Variants in AK5 observed in about 807,000 individuals in gnomAD.
AK5 encodes adenylate kinase 5, also known as adenylate kinase isoenzyme 5.
In AK5, 27 loss-of-function variants were observed where a neutral mutation model predicts 69.5. The ratio of observed to expected loss-of-function variants is 0.39; its 90% CI spans 0.29 to 0.54. The LOEUF is 0.54. Among genes scored for constraint, AK5 ranks in the 20% least tolerant of loss-of-function variants. The pLI is 0.71. For synonymous variants in AK5, 260 were observed against 244.4 expected (o/e 1.06, Z -0.60); for missense variants, 531 against 700.4 (o/e 0.76, Z 2.73).
At chr1:77,304,484 C>A (rs1024554265) in intron 5 of AK5, among the ~76,000 whole-genome samples, 5 of 151,900 alleles carry the variant, frequency 3.3e-5, no homozygotes, top group African/African-American at 1.2e-4. Flanking sequence ...CGGCTCACCG[C>A]AGCGTCTGTC....
chr1:77,470,191 C>G (rs1454390634), intron 8 of AK5, among the ~76,000 whole-genome samples: 3 of 152,158 alleles, frequency 2.0e-5, no homozygotes, highest in Non-Finnish European at 2.9e-5. Context: ...TGTTGCACTA[C>G]CTGTCAGGAG....
At chr1:77,510,345 G>A (rs1657269693) in intron 10 of AK5, among the ~76,000 whole-genome samples, 1 of 152,144 alleles carries the variant, frequency 6.6e-6, no homozygotes, top group Non-Finnish European at 1.5e-5. Flanking sequence ...GTGTTACAGA[G>A]TCAAAGGTAT....
intron 8 of AK5, among the ~76,000 whole-genome samples, chr1:77,440,305 T>A (rs1487963415): frequency 2.0e-5 from 3 of 152,216 alleles, no homozygotes; most frequent in Admixed American, 6.5e-5. Flanking sequence ...TCTCATTTTC[T>A]TCTGGCCTAT....
intron 13 of AK5, among the ~76,000 whole-genome samples, chr1:77,536,557 G>C (rs1278898537): frequency 2.0e-5 from 3 of 152,140 alleles, no homozygotes; most frequent in Non-Finnish European, 4.4e-5. Context: ...CCATAAAAAG[G>C]TGGTCATATA....
chr1:77,498,358 C>T lies in AK5; in HGVS notation c.1147+12006C>T, dbSNP rs1050379949. 2.2e-4 allele frequency among the ~76,000 whole-genome samples: 33 copies of T among 152,200 alleles called. 1 individual carries two copies. Among genetic ancestry groups the T allele is most frequent in the Middle Eastern group, 3.4e-3 (1 of 294 alleles). On this transcript the variant is annotated intron_variant, in intron 10 of 13. Transcript: ENST00000354567. ...CAGACAACACTTTCAAGAAAGTTGA[C>T]TCTGAAAGAGTCTGAAAGAGACTGT...
At chr1:77,513,884 G>A (rs900086531) in intron 10 of AK5, among the ~76,000 whole-genome samples, 2 of 152,204 alleles carry the variant, frequency 1.3e-5, no homozygotes, top group African/African-American at 2.4e-5. Context: ...CGTGACCCAC[G>A]TGGGCATGCC....
chr1:77,314,061 G>T, intron 5 of AK5: 1 of 363,010 alleles, frequency 2.8e-6, no homozygotes, highest in African/African-American at 2.1e-5. Context: ...CATATATTGA[G>T]AATTTGCTAT....
At chr1:77,305,114 C>T (rs867478127) in intron 5 of AK5, among the ~76,000 whole-genome samples, 31 of 151,984 alleles carry the variant, frequency 2.0e-4, no homozygotes, top group African/African-American at 7.3e-4. Flanking sequence ...TTCACATGCC[C>T]GTTTGCCATT....
At chr1:77,438,294 CAAAAAAAAAAAAAAAAAA>C (rs56019139) in intron 8 of AK5, among the ~76,000 whole-genome samples, 2 of 52,780 alleles carry the variant, frequency 3.8e-5, no homozygotes, top group Non-Finnish European at 7.9e-5. Context: ...ATATTTGGTA[CAAAAAAAAAAAAAAAAAA>C]AAAAAAAAAA....
At chr1:77,416,449 T>C (rs1650433828) in intron 7 of AK5, among the ~76,000 whole-genome samples, 1 of 152,242 alleles carries the variant, frequency 6.6e-6, no homozygotes, top group Admixed American at 6.5e-5. Context: ...AATGGTTTGA[T>C]GGTTTAGTAT....
rs371572658 is a variant in AK5 at position 77,554,963 on chromosome 1, G to A, written c.1621-3639G>A. 2.6e-5 allele frequency among the ~76,000 whole-genome samples: 4 copies of A among 151,846 alleles called. 1 individual carries two copies. Among genetic ancestry groups the A allele is most frequent in the African/African-American group, 9.7e-5 (4 of 41,444 alleles). ...CAAATATTTATCAAATATTTGCTGT[G>A]TACCCATATTTTATGATGTCAGCCC... On this transcript the variant is annotated intron_variant, in intron 13 of 13. Coordinates refer to ENST00000354567, the MANE Select transcript of AK5 (RefSeq NM_174858.3).
intron 10 of AK5, among the ~76,000 whole-genome samples, chr1:77,497,813 C>T (rs947995022): frequency 2.0e-5 from 3 of 152,166 alleles, no homozygotes; most frequent in African/African-American, 7.2e-5. Flanking sequence ...AACTCTTGGG[C>T]TCAAGCCATC....
intron 6 of AK5, among the ~76,000 whole-genome samples, chr1:77,375,783 T>C (rs1398899584): frequency 6.6e-6 from 1 of 152,110 alleles, no homozygotes; most frequent in Non-Finnish European, 1.5e-5. Context: ...TGGTTGTGTA[T>C]GGGAGATAGT....
chr1:77,495,522 C>T (rs988253015), intron 10 of AK5, among the ~76,000 whole-genome samples: 9 of 152,158 alleles, frequency 5.9e-5, no homozygotes, highest in Non-Finnish European at 1.2e-4. Context: ...AACTTCAAAA[C>T]AGGAAACAAT....
chr1:77,536,811 AAC>A (rs1379749799), intron 13 of AK5, among the ~76,000 whole-genome samples: 1 of 152,230 alleles, frequency 6.6e-6, no homozygotes, highest in Non-Finnish European at 1.5e-5. Flanking sequence ...TGTGATAACC[AAC>A]ATTTTTAGAA....
At chr1:77,556,651 T>C (rs796673437) in intron 13 of AK5, among the ~76,000 whole-genome samples, 8 of 152,338 alleles carry the variant, frequency 5.3e-5, no homozygotes, top group African/African-American at 1.9e-4. Context: ...GTTGATATTG[T>C]TGAGAATTCA....
At chr1:77,362,396 C>A (rs1646880460) in intron 6 of AK5, among the ~76,000 whole-genome samples, 2 of 152,066 alleles carry the variant, frequency 1.3e-5, no homozygotes, top group Admixed American at 1.3e-4. Flanking sequence ...CATTATCTGT[C>A]CAAGCATATA....
chr1:77,526,824 G>C (rs1658320108), intron 12 of AK5, among the ~76,000 whole-genome samples: 1 of 150,418 alleles, frequency 6.6e-6, no homozygotes, highest in Non-Finnish European at 1.5e-5. Context: ...ACATTCTCTT[G>C]AAACCCTCAA....
chr1:77,520,758 A>T (rs1015545823), intron 11 of AK5, among the ~76,000 whole-genome samples: 6 of 152,210 alleles, frequency 3.9e-5, no homozygotes, highest in African/African-American at 1.4e-4. Context: ...CTGACTCTTC[A>T]TTATATATTT....
Sources: allele counts gnomAD v4.1 joint callset (sites outside exome capture counted in the v4.1 genomes callset), GRCh38; gene constraint gnomAD v4.1.1; transcripts MANE v1.5; gene names NCBI Gene and HGNC (gene_info 2026-07-23, HGNC 2026-07-21).